The following OGG1 variants were observed in gnomAD, a reference collection of about 807,000 sequenced individuals.
OGG1 encodes 8-oxoguanine DNA glycosylase.
OGG1 carries 35 observed loss-of-function variants against 42.3 expected under a neutral mutation model. The ratio of observed to expected loss-of-function variants is 0.83; its 90% CI spans 0.63 to 1.10. The LOEUF is 1.10. OGG1 is among the 50% of genes least tolerant of loss of function. The pLI is 0.00. For synonymous variants in OGG1, 189 were observed against 179.0 expected (o/e 1.06, Z -0.44); for missense variants, 484 against 446.7 (o/e 1.08, Z -0.75).
chr3:9,753,219 C>T (rs1442780118), intron 3 of OGG1, among the ~76,000 whole-genome samples: 1 of 152,096 alleles, frequency 6.6e-6, no homozygotes, highest in Non-Finnish European at 1.5e-5. Context: ...TGGCAGGTAC[C>T]TGTAATCCCA....
rs1270418494 is a variant in OGG1, at chr3:9,751,652, ACT to A, written c.386-114_386-113del. ...GGTGTTGCTTTCTCTAACGGTGCTG[ACT>A]CTCATTCTCCTGGGATCCTCCTGGA... On this transcript the variant is annotated intron_variant, in intron 2 of 6. Coordinates refer to ENST00000344629, the MANE Select transcript of OGG1 (RefSeq NM_002542.6). The A allele has an allele frequency of 3.0e-5, 28 of 920,054 alleles. 2 individuals carry two copies. The Middle Eastern group carries it at 4.6e-3, about 150-fold the overall frequency. The allele number at this position is 920,054 out of a possible 1,614,324, so 57.0% of individuals were successfully genotyped here. A position where few individuals can be genotyped will look rare whatever the true frequency, so the allele number is the denominator to read the frequency against.
downstream of OGG1, chr3:9,789,627 G>A (rs775855983): frequency 1.9e-5 from 31 of 1,613,454 alleles, no homozygotes; most frequent in Non-Finnish European, 2.3e-5. Flanking sequence ...GCAGGGAGAA[G>A]CAGATCCTGA....
At chr3:9,766,283 A>G in exon 8 of OGG1, 1 of 702,174 alleles carries the variant, frequency 1.4e-6, no homozygotes, top group African/African-American at 1.7e-5. Context: ...TCCTGATAAC[A>G]TTATGTGGCC....
chr3:9,752,240 C>T, intron 3 of OGG1: 1 of 490,856 alleles, frequency 2.0e-6, no homozygotes, highest in Non-Finnish European at 3.7e-6. Context: ...TGGGGACAGA[C>T]CCATGCCTGG....
intron 4 of OGG1, 25 bp downstream of exon 4, chr3:9,754,910 G>A (rs1486339475): frequency 3.9e-6 from 6 of 1,557,584 alleles, no homozygotes; most frequent in South Asian, 2.3e-5. Context: ...GGTAGGAGCT[G>A]CCCTCTCTAC....
At chr3:9,782,183 T>C (rs1437399706) in intron 3 of OGG1, among the ~76,000 whole-genome samples, 2 of 152,168 alleles carry the variant, frequency 1.3e-5, no homozygotes, top group African/African-American at 4.8e-5. Flanking sequence ...TTTCTCTCTC[T>C]TCCTCTCTCT....
intron 2 of OGG1, chr3:9,780,068 G>A (rs761780397): frequency 9.1e-6 from 3 of 328,654 alleles, no homozygotes; most frequent in Non-Finnish European, 1.7e-5. Flanking sequence ...GGGGATTAGG[G>A]AGTGGGGGAT....
downstream of OGG1, chr3:9,762,148 G>C (rs770109248): frequency 8.0e-5 from 14 of 174,862 alleles, no homozygotes; most frequent in Admixed American, 3.4e-4. Flanking sequence ...ACTCACCCAA[G>C]AACCCACAGT....
chr3:9,755,504 G>C (rs1194914156), intron 4 of OGG1, among the ~76,000 whole-genome samples: 1 of 123,484 alleles, frequency 8.1e-6, no homozygotes, highest in Non-Finnish European at 1.6e-5. Flanking sequence ...TTGCTTTGTT[G>C]CCAGGCTGGA....
At chr3:9,789,900 C>T, downstream of OGG1, 1 of 1,614,194 alleles carries the variant, frequency 6.2e-7, no homozygotes, top group Non-Finnish European at 8.5e-7. Context: ...GCTCCAAGTT[C>T]ATGGTCTCGA....
At chr3:9,788,998 G>C (rs969606121), downstream of OGG1, among the ~76,000 whole-genome samples, 4 of 152,058 alleles carry the variant, frequency 2.6e-5, no homozygotes, top group South Asian at 6.2e-4. Context: ...GCCATGCCTG[G>C]CTAATTTTTT....
exon 8 of OGG1, chr3:9,766,266 A>G: frequency 1.4e-6 from 1 of 705,368 alleles, no homozygotes; most frequent in Non-Finnish European, 2.6e-6. Flanking sequence ...AAATGGCCAA[A>G]TATATTTCCT....
Position 9,756,934 on chromosome 3 carries a change from C to T in OGG1, c.948+118C>T, listed in dbSNP as rs1284433832. 14 of 1,611,866 alleles carry T rather than the reference C, an allele frequency of 8.7e-6. No homozygotes were observed. In the African/African-American group the frequency reaches 1.9e-4, roughly 22 times the overall value. ...CTCTCCAGCCACCCCTGTCCCAACC[C>T]CAGTGGATTCTCATTGCCTTCGGCC... On this transcript the variant is annotated intron_variant, in intron 6 of 6. Transcript: ENST00000344629.
chr3:9,756,704 C>T (rs1434717769), intron 5 of OGG1, 63 bp from the exon 6 acceptor site: 2 of 1,613,488 alleles, frequency 1.2e-6, no homozygotes, highest in African/African-American at 2.7e-5. Flanking sequence ...TCCCTCAGAC[C>T]CTACTTCTGT....
At chr3:9,756,665 T>C in intron 5 of OGG1, 44 bp downstream of exon 5, 1 of 1,612,388 alleles carries the variant, frequency 6.2e-7, no homozygotes, top group South Asian at 1.1e-5. Context: ...GCTGGGATGG[T>C]AGAAACTTCT....
downstream of OGG1, chr3:9,759,470 C>G (rs1173258008): frequency 1.2e-6 from 2 of 1,614,162 alleles, no homozygotes; most frequent in Non-Finnish European, 1.7e-6. Context: ...GGGACCAGAA[C>G]TAGGGATATG....
At position 9,750,960 on chromosome 3, in the gene OGG1, T is replaced by G; in HGVS notation, c.153T>G (p.Ser51Arg). 2 of 1,613,902 alleles carry G rather than the reference T, an allele frequency of 1.2e-6. No individual in the cohort carries two copies. The highest frequency in any genetic ancestry group is 4.5e-5 in the East Asian group (2 of 44,900). Residue 51 changes from serine (S) to arginine (R), a missense_variant, in exon 2 of 7, where the codon AGT becomes AGG. By Grantham distance (110) the Ser-to-Arg change is moderately radical (BLOSUM62 -1). Coordinates refer to ENST00000344629, the MANE Select transcript of OGG1 (RefSeq NM_002542.6). The part of the protein sequence containing the change: ...SGQSFRWREQ[S>R]PAHWSGVLAD... Reference sequence around the variant, plus strand: ...TTGGGCTCAGGTGGAGGGAGCAAAGTCCTGCACACTGGAGTGGTGTACTAG... The same window carrying G: ...TTGGGCTCAGGTGGAGGGAGCAAAGGCCTGCACACTGGAGTGGTGTACTAG...
chr3:9,761,695 G>T, downstream of OGG1: 1 of 1,614,198 alleles, frequency 6.2e-7, no homozygotes, highest in African/African-American at 1.3e-5. Flanking sequence ...TCTTGGAGAG[G>T]CCAAAGTCGG....
intron 7 of OGG1, chr3:9,763,046 C>A (rs765251028): frequency 5.0e-6 from 8 of 1,613,948 alleles, no homozygotes; most frequent in Non-Finnish European, 6.8e-6. Context: ...GCTCCCCACC[C>A]GACACCCTGC....
Sources: gnomAD v4.1 joint callset for allele counts (sites outside exome capture counted in the v4.1 genomes callset) on GRCh38, gnomAD v4.1.1 for gene constraint, MANE v1.5 for transcripts, NCBI Gene and HGNC (gene_info 2026-07-23, HGNC 2026-07-21) for gene names.